Variants in NKAIN3 observed in about 807,000 individuals in gnomAD.
The protein encoded by NKAIN3 is sodium/potassium-transporting ATPase subunit beta-1-interacting protein 3.
A neutral mutation model predicts 30.2 loss-of-function variants in NKAIN3; 25 were observed. The ratio of observed to expected loss-of-function variants is 0.83; its 90% CI spans 0.60 to 1.16. The LOEUF is 1.16. Ranked by LOEUF, NKAIN3 falls within the 50% of genes most tolerant of loss-of-function variation. The probability of loss-of-function intolerance (pLI) is 0.00; values close to 1 mark genes in which losing one functional copy is unlikely to be tolerated. For synonymous variants in NKAIN3, 91 were observed against 89.6 expected, an observed-to-expected ratio of 1.02 and a Z score of -0.09; for missense variants, 225 against 254.1, an observed-to-expected ratio of 0.89 and a Z score of 0.78.
At chr8:62,317,891 G>C (rs1814702849) in intron 1 of NKAIN3, among the ~76,000 whole-genome samples, 1 of 152,166 alleles carries the variant, frequency 6.6e-6, no homozygotes. Flanking sequence ...TCACGATATT[G>C]ATTCTTCCTA....
intron 3 of NKAIN3, among the ~76,000 whole-genome samples, chr8:62,730,569 G>T (rs1032097694): frequency 1.3e-5 from 2 of 151,852 alleles, no homozygotes; most frequent in Non-Finnish European, 2.9e-5. Context: ...ATGTACTTTG[G>T]TGCTATATGA....
At chr8:62,332,224 C>T (rs993361140) in intron 1 of NKAIN3, among the ~76,000 whole-genome samples, 1 of 152,026 alleles carries the variant, frequency 6.6e-6, no homozygotes, top group Non-Finnish European at 1.5e-5. Flanking sequence ...TAACGGACTT[C>T]GTTAAAGGTC....
chr8:62,452,856 A>T (rs990143037), intron 1 of NKAIN3, among the ~76,000 whole-genome samples: 1 of 152,200 alleles, frequency 6.6e-6, no homozygotes, highest in East Asian at 1.9e-4. Context: ...CCAAAAGTAA[A>T]AAATCTATAT....
Position 62,350,643 on chromosome 8 carries a change from CA to C in NKAIN3, c.54+101522del, listed in dbSNP as rs1230978894. ...TTTATGTTATGTATATTTTAATCAT[CA>C]AAAAATTAAAATATATTGCCTTAGA... On this transcript the variant is annotated intron_variant, in intron 1 of 6. Coordinates refer to ENST00000623646, the MANE Select transcript of NKAIN3 (RefSeq NM_001304533.3). 2.6e-5 allele frequency among the ~76,000 whole-genome samples: 4 copies of C among 152,104 alleles called. No individual in the cohort carries two copies. The South Asian group carries it at 6.2e-4, about 24-fold the overall frequency.
intron 1 of NKAIN3, among the ~76,000 whole-genome samples, chr8:62,258,313 A>G (rs914896476): frequency 1.2e-4 from 19 of 152,298 alleles, no homozygotes; most frequent in African/African-American, 4.6e-4. Context: ...TTCCTTAGGC[A>G]TTTGTTTTCA....
chr8:62,638,075 T>C (rs1233926069), intron 3 of NKAIN3, among the ~76,000 whole-genome samples: 3 of 152,162 alleles, frequency 2.0e-5, no homozygotes, highest in African/African-American at 7.2e-5. Flanking sequence ...ATGTAAAATC[T>C]TGGAAATGTG....
intron 1 of NKAIN3, among the ~76,000 whole-genome samples, chr8:62,299,659 CA>C (rs200660802): frequency 1.3e-5 from 2 of 149,642 alleles, no homozygotes; most frequent in East Asian, 2.0e-4. Context: ...GATGTTGACT[CA>C]AAAAAAAAGG....
At chr8:62,310,636 A>T (rs981882881) in intron 1 of NKAIN3, among the ~76,000 whole-genome samples, 1 of 150,386 alleles carries the variant, frequency 6.6e-6, no homozygotes, top group Non-Finnish European at 1.5e-5. Context: ...ATAAAGTAAA[A>T]GTGGGTGGTG....
intron 5 of NKAIN3, among the ~76,000 whole-genome samples, chr8:62,944,332 A>T (rs1042726576): frequency 1.3e-5 from 2 of 152,122 alleles, no homozygotes; most frequent in Admixed American, 6.6e-5. Context: ...GATATCTGGT[A>T]GTATAAGTTC....
At chr8:62,830,366 A>G (rs1002116525) in intron 4 of NKAIN3, among the ~76,000 whole-genome samples, 4 of 152,162 alleles carry the variant, frequency 2.6e-5, no homozygotes, top group African/African-American at 9.7e-5. Flanking sequence ...GCAGAAGTGT[A>G]CTAGGATTAA....
rs554753283 is a variant in NKAIN3 at position 62,249,239 on chromosome 8, G to T, written c.54+112G>T. ...GGCAAGGGGCGAACGGGTGAACAGG[G>T]CGCTCCGCCCGCCTCCCACCCTCCC... On this transcript the variant is annotated intron_variant, in intron 1 of 6. Coordinates refer to ENST00000623646, the MANE Select transcript of NKAIN3 (RefSeq NM_001304533.3). The T allele has an allele frequency of 4.4e-6, 4 of 905,254 alleles. No individual in the cohort carries two copies. In the East Asian group the frequency reaches 9.5e-5, roughly 22 times the overall value. 56.1% of individuals were successfully genotyped at this position (905,254 alleles called of 1,614,324 possible).
intron 5 of NKAIN3, among the ~76,000 whole-genome samples, chr8:62,929,882 T>A (rs931598909): frequency 6.6e-6 from 1 of 152,302 alleles, no homozygotes; most frequent in African/African-American, 2.4e-5. Flanking sequence ...CTATCATTAG[T>A]GTTAGCTTAT....
intron 3 of NKAIN3, among the ~76,000 whole-genome samples, chr8:62,717,077 A>T (rs1814929660): frequency 6.6e-6 from 1 of 152,210 alleles, no homozygotes; most frequent in African/African-American, 2.4e-5. Context: ...ACTATGTGAA[A>T]GGGCTTTCGA....
At chr8:62,511,464 G>C (rs1258227578) in intron 1 of NKAIN3, among the ~76,000 whole-genome samples, 1 of 152,138 alleles carries the variant, frequency 6.6e-6, no homozygotes, top group Non-Finnish European at 1.5e-5. Context: ...CCCTCCGGCT[G>C]TTCTCCAAAT....
chr8:62,841,559 A>C (rs1210987719), intron 4 of NKAIN3, among the ~76,000 whole-genome samples: 1 of 152,132 alleles, frequency 6.6e-6, no homozygotes. Context: ...TTCACATATA[A>C]ATGAGATCAA....
intron 4 of NKAIN3, among the ~76,000 whole-genome samples, chr8:62,828,114 C>A (rs1348835540): frequency 6.6e-6 from 1 of 152,032 alleles, no homozygotes; most frequent in African/African-American, 2.4e-5. Flanking sequence ...CTATTGCTAT[C>A]TATTGATATA....
rs550822033 is a variant in NKAIN3, at chr8:62,504,286, C to A, written c.55-75253C>A. Among the ~76,000 whole-genome samples, 8 of 152,256 alleles carry A rather than the reference C, an allele frequency of 5.3e-5. No individual in the cohort carries two copies. In the South Asian group the frequency reaches 1.5e-3, roughly 28 times the overall value. ...AAACCAGTCCGTAGTGGTTGGGGACCACTGCTATAAAACCTACTTTGCAGA... is the reference window on the plus strand; with the variant it reads ...AAACCAGTCCGTAGTGGTTGGGGACAACTGCTATAAAACCTACTTTGCAGA... On this transcript the variant is annotated intron_variant, in intron 1 of 6. Coordinates refer to ENST00000623646, the MANE Select transcript of NKAIN3 (RefSeq NM_001304533.3).
intron 4 of NKAIN3, among the ~76,000 whole-genome samples, chr8:62,810,958 G>T (rs1172248121): frequency 1.3e-5 from 2 of 152,152 alleles, no homozygotes; most frequent in African/African-American, 2.4e-5. Flanking sequence ...TTACAACCAG[G>T]ATATTGACGT....
At chr8:62,674,674 T>C (rs150749456) in intron 3 of NKAIN3, among the ~76,000 whole-genome samples, 1 of 152,284 alleles carries the variant, frequency 6.6e-6, no homozygotes, top group African/African-American at 2.4e-5. Flanking sequence ...TGATTGGACA[T>C]GATCAGCTAG....
Sources: gnomAD v4.1 joint callset for allele counts (sites outside exome capture counted in the v4.1 genomes callset) on GRCh38, gnomAD v4.1.1 for gene constraint, MANE v1.5 for transcripts, NCBI Gene and HGNC (gene_info 2026-07-23, HGNC 2026-07-21) for gene names.